The following CDH12 variants were observed in gnomAD, a reference collection of about 807,000 sequenced individuals.
The protein encoded by CDH12 is cadherin-12.
A neutral mutation model predicts 74.1 loss-of-function variants in CDH12; 41 were observed. That is an observed-to-expected ratio of 0.55 (90% confidence interval 0.43 to 0.72). The LOEUF is 0.72. Ranked by LOEUF, CDH12 falls within the 30% of genes least tolerant of loss-of-function variation. The pLI is 0.00. For missense variants in CDH12, 945 were observed against 977.2 expected (o/e 0.97, Z 0.44); for synonymous variants, 399 against 355.0 (o/e 1.12, Z -1.39).
intron 2 of CDH12, among the ~76,000 whole-genome samples, chr5:22,468,975 A>G (rs1482500205): frequency 6.6e-6 from 1 of 152,208 alleles, no homozygotes; most frequent in Non-Finnish European, 1.5e-5. Context: ...TACTTCTAGT[A>G]AATTACATAT....
chr5:21,888,998 A>T (rs1156589985), intron 6 of CDH12, among the ~76,000 whole-genome samples: 1 of 152,108 alleles, frequency 6.6e-6, no homozygotes, highest in African/African-American at 2.4e-5. Context: ...ATAGTAATTT[A>T]TTTCTAAAGA....
intron 6 of CDH12, among the ~76,000 whole-genome samples, chr5:21,924,085 C>T (rs151170012): frequency 7.2e-5 from 11 of 152,250 alleles, no homozygotes; most frequent in African/African-American, 2.6e-4. Context: ...ACTGTAACAA[C>T]ACCACTAATG....
chr5:22,619,544 G>A (rs894564105), intron 1 of CDH12, among the ~76,000 whole-genome samples: 13 of 151,550 alleles, frequency 8.6e-5, no homozygotes, highest in African/African-American at 3.1e-4. Flanking sequence ...TTGGTTTTTT[G>A]AAATCTTTTA....
intron 3 of CDH12, among the ~76,000 whole-genome samples, chr5:22,363,355 CT>C (rs1740900750): frequency 6.6e-6 from 1 of 152,058 alleles, no homozygotes; most frequent in Non-Finnish European, 1.5e-5. Flanking sequence ...ACATTTTGAT[CT>C]TTTAATGGCA....
At chr5:22,775,569 A>C (rs988883107) in intron 1 of CDH12, among the ~76,000 whole-genome samples, 1 of 152,100 alleles carries the variant, frequency 6.6e-6, no homozygotes, top group African/African-American at 2.4e-5. Flanking sequence ...ACAAAAAAAA[A>C]CTGGATAATA....
chr5:21,988,491 CAAAAAAAAAAAAAA>C (rs1157872208), intron 5 of CDH12, among the ~76,000 whole-genome samples: 2 of 29,472 alleles, frequency 6.8e-5, no homozygotes, highest in Non-Finnish European at 1.9e-4. Context: ...GACTCCGTCT[CAAAAAAAAAAAAAA>C]AAAAAAAAAA....
chr5:22,460,819 C>A (rs1490170634), intron 2 of CDH12, among the ~76,000 whole-genome samples: 1 of 139,394 alleles, frequency 7.2e-6, no homozygotes, highest in East Asian at 2.3e-4. Context: ...CTCCCAGTTT[C>A]AAGTGATTCT....
At chr5:22,066,486 G>T (rs560623817) in intron 5 of CDH12, among the ~76,000 whole-genome samples, 72 of 152,276 alleles carry the variant, frequency 4.7e-4, no homozygotes, top group African/African-American at 1.7e-3. Context: ...ATAAAGACTT[G>T]TGGAGGTCAG....
chr5:22,579,621 C>A (rs1365480195), intron 1 of CDH12, among the ~76,000 whole-genome samples: 4 of 151,872 alleles, frequency 2.6e-5, no homozygotes, highest in African/African-American at 9.7e-5. Flanking sequence ...ATTTTCTTTT[C>A]TTTTCTTTTT....
intron 3 of CDH12, among the ~76,000 whole-genome samples, chr5:22,305,828 C>A (rs764255703): frequency 6.6e-6 from 1 of 152,222 alleles, no homozygotes; most frequent in East Asian, 1.9e-4. Flanking sequence ...ACTTCCCTTA[C>A]AGCTTTGCTG....
chr5:22,307,760 C>A (rs1190056500), intron 3 of CDH12, among the ~76,000 whole-genome samples: 1 of 151,790 alleles, frequency 6.6e-6, no homozygotes, highest in African/African-American at 2.4e-5. Context: ...TATCCCAACC[C>A]TAGTAACTAA....
At chr5:22,729,098 C>T (rs928749857) in intron 1 of CDH12, among the ~76,000 whole-genome samples, 2 of 151,734 alleles carry the variant, frequency 1.3e-5, no homozygotes, top group Non-Finnish European at 1.5e-5. Flanking sequence ...CAATTGATCC[C>T]AAACTTAGCA....
intron 1 of CDH12, among the ~76,000 whole-genome samples, chr5:22,711,301 G>A (rs1461212505): frequency 6.6e-6 from 1 of 152,030 alleles, no homozygotes; most frequent in Admixed American, 6.6e-5. Flanking sequence ...ATCAAACCAA[G>A]GTGGATAAGT....
intron 4 of CDH12, among the ~76,000 whole-genome samples, chr5:22,133,607 A>G (rs1746292857): frequency 6.6e-6 from 1 of 152,118 alleles, no homozygotes; most frequent in African/African-American, 2.4e-5. Flanking sequence ...AAATAATTCA[A>G]AAATCTGATT....
At chr5:22,832,880 T>G (rs1736679269) in intron 1 of CDH12, among the ~76,000 whole-genome samples, 1 of 152,292 alleles carries the variant, frequency 6.6e-6, no homozygotes, top group South Asian at 2.1e-4. Flanking sequence ...TCAATGATAA[T>G]TATCCTTTCA....
At chr5:21,764,801 A>G (rs1421202506) in intron 12 of CDH12, among the ~76,000 whole-genome samples, 177 bp downstream of exon 12, 2 of 152,192 alleles carry the variant, frequency 1.3e-5, no homozygotes, top group Non-Finnish European at 2.9e-5. Context: ...TCACCTCCAC[A>G]TACATTCATC....
chr5:22,831,371 CTGTGTG>C (rs70959760), intron 1 of CDH12, among the ~76,000 whole-genome samples: 10 of 146,750 alleles, frequency 6.8e-5, no homozygotes, highest in Middle Eastern at 7.1e-3. Flanking sequence ...GTGTGTGTGT[CTGTGTG>C]TGTGTGTGTG....
At chr5:22,821,025 G>A (rs1749671572) in intron 1 of CDH12, among the ~76,000 whole-genome samples, 1 of 152,058 alleles carries the variant, frequency 6.6e-6, no homozygotes, top group Admixed American at 6.6e-5. Context: ...ACATCAAAAA[G>A]CTTATCCACC....
intron 4 of CDH12, among the ~76,000 whole-genome samples, chr5:22,110,508 C>G (rs998122805): frequency 6.6e-6 from 1 of 151,678 alleles, no homozygotes; most frequent in Non-Finnish European, 1.5e-5. Flanking sequence ...GCACTCACTT[C>G]TGATTGGAAG....
Sources: allele counts gnomAD v4.1 joint callset (sites outside exome capture counted in the v4.1 genomes callset), GRCh38; gene constraint gnomAD v4.1.1; transcripts MANE v1.5; gene names NCBI Gene and HGNC (gene_info 2026-07-23, HGNC 2026-07-21).